The following CATSPERE variants were observed in gnomAD, a reference collection of about 807,000 sequenced individuals.
CATSPERE encodes the protein cation channel sperm-associated auxiliary subunit epsilon.
A neutral mutation model predicts 114.1 loss-of-function variants in CATSPERE; 93 were observed. The ratio of observed to expected loss-of-function variants is 0.81; its 90% CI spans 0.69 to 0.97. The LOEUF is 0.97. Ranked by LOEUF, CATSPERE falls within the 50% of genes least tolerant of loss-of-function variation. CATSPERE has a pLI of 0.00. For missense variants in CATSPERE, 1,058 were observed against 1,131.6 expected, an observed-to-expected ratio of 0.93 and a Z score of 0.93; for synonymous variants, 341 against 384.1, an observed-to-expected ratio of 0.89 and a Z score of 1.31.
chr1:244,561,229 C>A, intron 10 of CATSPERE, 84 bp downstream of exon 10: 2 of 1,037,038 alleles, frequency 1.9e-6, no homozygotes, highest in Non-Finnish European at 2.8e-6. Flanking sequence ...TTTTAATGTA[C>A]CAATGTGTGG....
At chr1:244,626,908 C>CACTTTTAAT (rs1673271179) in intron 20 of CATSPERE, among the ~76,000 whole-genome samples, 2 of 152,182 alleles carry the variant, frequency 1.3e-5, no homozygotes, top group African/African-American at 4.8e-5. Flanking sequence ...ACTAGAGTAG[C>CACTTTTAAT]ACTTTTAATT....
chr1:244,550,143 T>C (rs1558477121), intron 8 of CATSPERE, among the ~76,000 whole-genome samples: 4 of 152,148 alleles, frequency 2.6e-5, no homozygotes, highest in Non-Finnish European at 5.9e-5. Flanking sequence ...CTCACACCTT[T>C]GGACTTGGAC....
chr1:244,598,827 C>G (rs537025691), intron 17 of CATSPERE: 1 of 166,838 alleles, frequency 6.0e-6, no homozygotes, highest in Admixed American at 6.0e-5. Context: ...CCCATCTCAA[C>G]TTTCTCTTTG....
intron 21 of CATSPERE, among the ~76,000 whole-genome samples, chr1:244,637,909 A>G (rs1457778335): frequency 6.6e-6 from 1 of 152,306 alleles, no homozygotes; most frequent in East Asian, 1.9e-4. Context: ...ATAAAAATCT[A>G]CTAACATCTA....
At chr1:244,485,975 C>CA (rs1670945603) in intron 5 of CATSPERE, among the ~76,000 whole-genome samples, 1 of 152,010 alleles carries the variant, frequency 6.6e-6, no homozygotes, top group Admixed American at 6.6e-5. Context: ...GGAGCCACCA[C>CA]ACCAGGCCTC....
At chr1:244,550,554 T>C (rs910756986) in intron 8 of CATSPERE, among the ~76,000 whole-genome samples, 2 of 152,196 alleles carry the variant, frequency 1.3e-5, no homozygotes, top group Admixed American at 1.3e-4. Flanking sequence ...TGTCTGCATA[T>C]GTGAGGTTAT....
chr1:244,593,691 A>G, intron 17 of CATSPERE, 113 bp downstream of exon 17: 3 of 832,920 alleles, frequency 3.6e-6, no homozygotes, highest in Non-Finnish European at 5.8e-6. Context: ...ACTCTACTCA[A>G]TATATGCGAG....
At position 244,568,694 on chromosome 1, in the gene CATSPERE, C is replaced by T. The variant is rs947334109; in HGVS notation, c.1508-3636C>T. On this transcript the variant is annotated intron_variant, in intron 10 of 21. Coordinates refer to ENST00000366534, the MANE Select transcript of CATSPERE (RefSeq NM_001130957.2). This position sits in a 1 kb window ranked among gnomAD's most constrained non-coding sequence, Gnocchi z 4.4. Reference sequence around the variant, plus strand: ...CAGTAATGGCAGACGCTCCTACCCCCACCAAGTTCGGGTGTCCCAGGTCAC... The same window carrying T: ...CAGTAATGGCAGACGCTCCTACCCCTACCAAGTTCGGGTGTCCCAGGTCAC... Among the ~76,000 whole-genome samples, 1 of 152,132 alleles carries T rather than the reference C, an allele frequency of 6.6e-6. No individual in the cohort carries two copies. Among genetic ancestry groups the T allele is most frequent in the Non-Finnish European group, 1.5e-5 (1 of 68,024 alleles).
Position 244,466,376 on chromosome 1 carries a change from G to C in CATSPERE, c.114+2420G>C, listed in dbSNP as rs1283357373. 2.6e-5 allele frequency among the ~76,000 whole-genome samples: 4 copies of C among 152,140 alleles called. No homozygotes were observed. The East Asian group carries it at 5.8e-4, about 22-fold the overall frequency. On this transcript the variant is annotated intron_variant, in intron 2 of 21. Coordinates refer to ENST00000366534, the MANE Select transcript of CATSPERE (RefSeq NM_001130957.2). ...CTTTGCAGAACAGCTTGCTTCCCTG[G>C]TTCCCAAACACTAAGTAGCAGTGAC...
At chr1:244,466,397 G>A (rs566804941) in intron 2 of CATSPERE, among the ~76,000 whole-genome samples, 1 of 152,212 alleles carries the variant, frequency 6.6e-6, no homozygotes, top group East Asian at 1.9e-4. Flanking sequence ...CTAAGTAGCA[G>A]TGACAATCCT....
chr1:244,511,124 T>C (rs1358234853), intron 7 of CATSPERE, among the ~76,000 whole-genome samples: 1 of 152,208 alleles, frequency 6.6e-6, no homozygotes, highest in Non-Finnish European at 1.5e-5. Flanking sequence ...ATTACAGGCA[T>C]GAGCCACCGC....
At chr1:244,479,048 A>G (rs1485063305) in intron 4 of CATSPERE, among the ~76,000 whole-genome samples, 1 of 151,404 alleles carries the variant, frequency 6.6e-6, no homozygotes, top group Non-Finnish European at 1.5e-5. Flanking sequence ...AAAAAAAAAA[A>G]AAAAAGATTT....
chr1:244,524,444 T>C (rs1354648060), intron 8 of CATSPERE, among the ~76,000 whole-genome samples: 1 of 151,094 alleles, frequency 6.6e-6, no homozygotes, highest in African/African-American at 2.5e-5. Flanking sequence ...ACTTCATGTC[T>C]AAAACACCAA....
intron 8 of CATSPERE, among the ~76,000 whole-genome samples, chr1:244,526,740 C>G (rs1455727295): frequency 6.6e-6 from 1 of 151,548 alleles, no homozygotes; most frequent in Non-Finnish European, 1.5e-5. Context: ...CCTCAAACTC[C>G]TAGGTATCGG....
Position 244,595,824 on chromosome 1 carries a change from T to C in CATSPERE, c.2303+2246T>C, listed in dbSNP as rs369605910. Among the ~76,000 whole-genome samples the C allele has an allele frequency of 2.5e-4, 38 of 152,062 alleles. No individual in the cohort carries two copies. In the East Asian group the frequency reaches 6.8e-3, roughly 27 times the overall value. On this transcript the variant is annotated intron_variant, in intron 17 of 21. Transcript: ENST00000366534. ...GGCGGGCACCTGTAGTCCCAGCTAC[T>C]GGGGAGGCTGAGGCAGGAGAATGGC...
intron 5 of CATSPERE, among the ~76,000 whole-genome samples, chr1:244,483,423 T>G (rs1408199448): frequency 2.0e-5 from 3 of 152,204 alleles, no homozygotes; most frequent in Non-Finnish European, 4.4e-5. Flanking sequence ...TTTGAAAGAT[T>G]GTCCAATTTT....
chr1:244,576,513 C>T (rs975387312), intron 11 of CATSPERE, among the ~76,000 whole-genome samples: 4 of 147,252 alleles, frequency 2.7e-5, no homozygotes, highest in African/African-American at 1.0e-4. Flanking sequence ...AGTACAATTG[C>T]CTTGCTGAGA....
intron 9 of CATSPERE, 92 bp from the exon 10 acceptor site, chr1:244,560,576 T>C: frequency 1.4e-6 from 1 of 731,200 alleles, no homozygotes. Flanking sequence ...TTTAAAAAAA[T>C]AAAAAATAAA....
chr1:244,524,745 C>G (rs374419670), intron 8 of CATSPERE, among the ~76,000 whole-genome samples: 1 of 148,484 alleles, frequency 6.7e-6, no homozygotes, highest in Non-Finnish European at 1.5e-5. Context: ...AAAATGCTCA[C>G]CATCACTGGC....
Sources: allele counts gnomAD v4.1 joint callset (sites outside exome capture counted in the v4.1 genomes callset), GRCh38; gene constraint gnomAD v4.1.1; non-coding constraint Gnocchi (gnomAD v3.1); transcripts MANE v1.5; gene names NCBI Gene and HGNC (gene_info 2026-07-23, HGNC 2026-07-21).